The following NRG3 variants were observed in gnomAD, a reference collection of about 807,000 sequenced individuals.
The protein encoded by NRG3 is neuregulin 3, also known as pro-neuregulin-3, membrane-bound isoform.
Under a neutral mutation model 66.9 loss-of-function variants are expected in NRG3, and 31 were observed. That is an observed-to-expected ratio of 0.46 (90% CI 0.35 to 0.63). NRG3 has a LOEUF of 0.63. Among genes scored for constraint, NRG3 ranks in the 20% least tolerant of loss-of-function variants. The pLI is 0.00. For missense variants in NRG3, 910 were observed against 878.9 expected (o/e 1.04, Z -0.45); for synonymous variants, 393 against 359.4 (o/e 1.09, Z -1.06).
chr10:81,898,270 AG>A (rs1179757027), intron 1 of NRG3, among the ~76,000 whole-genome samples: 3 of 152,342 alleles, frequency 2.0e-5, no homozygotes, highest in Non-Finnish European at 4.4e-5. Flanking sequence ...CCTGCCAGCA[AG>A]AGCCTTTATT....
intron 1 of NRG3, among the ~76,000 whole-genome samples, chr10:82,084,491 A>G (rs1277299244): frequency 3.0e-5 from 4 of 133,418 alleles, no homozygotes; most frequent in Non-Finnish European, 6.3e-5. Context: ...CAAATTTGGG[A>G]CATATATGAG....
chr10:82,303,248 T>A (rs191084714), intron 1 of NRG3, among the ~76,000 whole-genome samples: 6 of 152,238 alleles, frequency 3.9e-5, no homozygotes, highest in Non-Finnish European at 1.5e-5. Context: ...TTTAAGATTA[T>A]CCTGTCATTA....
intron 1 of NRG3, among the ~76,000 whole-genome samples, chr10:82,157,969 A>G (rs1376517847): frequency 1.3e-5 from 2 of 151,698 alleles, no homozygotes; most frequent in Non-Finnish European, 1.5e-5. Flanking sequence ...GTGAGCATCA[A>G]GGAACGTGAT....
chr10:82,899,536 T>C (rs922837143), intron 4 of NRG3, among the ~76,000 whole-genome samples: 3 of 152,322 alleles, frequency 2.0e-5, no homozygotes, highest in Admixed American at 2.0e-4. Flanking sequence ...AACTTTTTCC[T>C]ACCTGTGCAT....
intron 1 of NRG3, among the ~76,000 whole-genome samples, chr10:82,179,462 A>T (rs1000840226): frequency 1.3e-5 from 2 of 151,920 alleles, no homozygotes. Flanking sequence ...ATTGTTTTGC[A>T]TATGGATTTC....
At chr10:82,019,793 T>C (rs2061974706) in intron 1 of NRG3, among the ~76,000 whole-genome samples, 1 of 152,180 alleles carries the variant, frequency 6.6e-6, no homozygotes, top group Non-Finnish European at 1.5e-5. Flanking sequence ...ATCTCCTTTA[T>C]CATTTTTTAT....
intron 2 of NRG3, among the ~76,000 whole-genome samples, chr10:82,513,117 C>G (rs1590415757): frequency 6.6e-6 from 1 of 152,276 alleles, no homozygotes; most frequent in South Asian, 2.1e-4. Flanking sequence ...CTCCCACAAC[C>G]CTCGACATGC....
intron 4 of NRG3, among the ~76,000 whole-genome samples, chr10:82,874,978 A>C (rs910827431): frequency 2.6e-5 from 4 of 152,214 alleles, no homozygotes; most frequent in South Asian, 2.1e-4. Context: ...TATCCAAGCT[A>C]CAAGCAAATG....
chr10:82,180,200 A>G (rs2073318749), intron 1 of NRG3, among the ~76,000 whole-genome samples: 1 of 151,384 alleles, frequency 6.6e-6, no homozygotes, highest in Non-Finnish European at 1.5e-5. Flanking sequence ...GTGAGTAGAG[A>G]TTATTTTATT....
chr10:82,843,815 G>A (rs1246931270), intron 3 of NRG3, among the ~76,000 whole-genome samples: 2 of 152,152 alleles, frequency 1.3e-5, no homozygotes, highest in African/African-American at 4.8e-5. Context: ...GCAAGGGAAG[G>A]TTAATGGGAT....
intron 1 of NRG3, among the ~76,000 whole-genome samples, chr10:82,021,779 A>T (rs2062069390): frequency 6.9e-6 from 1 of 145,756 alleles, no homozygotes; most frequent in East Asian, 2.2e-4. Context: ...GCTTTTGGGC[A>T]TGTAGTATGT....
intron 2 of NRG3, among the ~76,000 whole-genome samples, chr10:82,675,232 C>G (rs184893912): frequency 1.3e-5 from 2 of 152,228 alleles, no homozygotes; most frequent in East Asian, 3.9e-4. Flanking sequence ...GCTGGGATTA[C>G]AGGTGTGAGA....
chr10:82,031,872 CA>C (rs2062585302), intron 1 of NRG3, among the ~76,000 whole-genome samples: 1 of 152,036 alleles, frequency 6.6e-6, no homozygotes, highest in Admixed American at 6.6e-5. Flanking sequence ...ATGGATGCAG[CA>C]TTTAGAAAAG....
intron 4 of NRG3, among the ~76,000 whole-genome samples, chr10:82,941,463 T>C (rs1178210184): frequency 2.0e-5 from 3 of 152,260 alleles, no homozygotes; most frequent in African/African-American, 4.8e-5. Flanking sequence ...TCAAGGTTCA[T>C]TTGCAACTGC....
chr10:82,722,168 G>C (rs375846361), intron 2 of NRG3, among the ~76,000 whole-genome samples: 2 of 152,154 alleles, frequency 1.3e-5, no homozygotes, highest in Non-Finnish European at 2.9e-5. Context: ...TGTGGGGCCT[G>C]GTTGTTGTTC....
At chr10:82,238,806 C>T (rs1347516325) in intron 1 of NRG3, among the ~76,000 whole-genome samples, 1 of 148,684 alleles carries the variant, frequency 6.7e-6, no homozygotes, top group African/African-American at 2.5e-5. Context: ...TGATTCTGTC[C>T]ATTAATGGAA....
chr10:82,348,160 C>T (rs1007974345), intron 1 of NRG3, among the ~76,000 whole-genome samples: 7 of 152,204 alleles, frequency 4.6e-5, no homozygotes, highest in East Asian at 3.9e-4. Context: ...TTCTTCCTAG[C>T]CTCGATGGTC....
chr10:82,530,110 C>G (rs780533625), intron 2 of NRG3, among the ~76,000 whole-genome samples: 16 of 152,030 alleles, frequency 1.1e-4, no homozygotes, highest in Admixed American at 1.0e-3. Flanking sequence ...GTAATTTCAA[C>G]GCTACAAGAA....
intron 2 of NRG3, among the ~76,000 whole-genome samples, chr10:82,635,810 G>A (rs1302757988): frequency 6.6e-6 from 1 of 151,816 alleles, no homozygotes; most frequent in Non-Finnish European, 1.5e-5. Context: ...TGTTCAGGAT[G>A]ATTGTTGGTG....
Sources: gnomAD v4.1 joint callset for allele counts (sites outside exome capture counted in the v4.1 genomes callset) on GRCh38, gnomAD v4.1.1 for gene constraint, MANE v1.5 for transcripts, NCBI Gene and HGNC (gene_info 2026-07-23, HGNC 2026-07-21) for gene names.